SNAP91: variants seen among roughly 807,000 people sequenced by gnomAD.
SNAP91 encodes clathrin coat assembly protein AP180.
A neutral mutation model predicts 100.3 loss-of-function variants in SNAP91; 27 were observed. The ratio of observed to expected loss-of-function variants is 0.27; its 90% CI spans 0.20 to 0.37. SNAP91 has a LOEUF of 0.37. Among genes scored for constraint, SNAP91 ranks in the 10% least tolerant of loss-of-function variants. SNAP91 has a pLI of 1.00. For missense variants in SNAP91, 986 were observed against 1,123.7 expected (o/e 0.88, Z 1.75); for synonymous variants, 404 against 398.6 (o/e 1.01, Z -0.16).
chr6:83,599,674 T>C (rs1347100035), intron 16 of SNAP91, among the ~76,000 whole-genome samples: 2 of 152,146 alleles, frequency 1.3e-5, no homozygotes, highest in Non-Finnish European at 2.9e-5. Flanking sequence ...TTTAGATTTG[T>C]GGAAGGAAGA....
intron 7 of SNAP91, among the ~76,000 whole-genome samples, chr6:83,647,080 T>TG (rs2097953672): frequency 2.1e-5 from 3 of 143,756 alleles, no homozygotes; most frequent in Non-Finnish European, 4.7e-5. Context: ...TTCCAGGAGT[T>TG]TTTTTTTTTT....
intron 2 of SNAP91, among the ~76,000 whole-genome samples, chr6:83,672,305 T>C (rs2098798930): frequency 6.6e-6 from 1 of 152,116 alleles, no homozygotes; most frequent in African/African-American, 2.4e-5. Flanking sequence ...TTCTCTTCCA[T>C]GCAAGTAAGG....
rs59046391 is a variant in SNAP91, at chr6:83,687,688, G to A, written c.130+20110C>T. Among the ~76,000 whole-genome samples the A allele has an allele frequency of 3.5e-3, 537 of 152,284 alleles. 3 individuals carry two copies. Among genetic ancestry groups the A allele is most frequent in the African/African-American group, 0.012 (511 of 41,554 alleles). On this transcript the variant is annotated intron_variant, in intron 2 of 29. Transcript: ENST00000369694. The stretch of plus-strand genomic sequence containing the variant: ...CCAACTACTGTGTTAAGAGTACTTT[G>A]TTGGGAACGGGAGAAGGACAGAAGC...
At position 83,601,476 on chromosome 6, in the gene SNAP91, G is replaced by A. The variant is rs753734758; in HGVS notation, c.1157-38C>T. 4 of 1,613,052 alleles carry A rather than the reference G, an allele frequency of 2.5e-6. No homozygotes were observed. The South Asian group carries it at 4.4e-5, about 18-fold the overall frequency. ...AGAGACAGAGAGCAAACGGAGAGAA[G>A]AAAAGCAAAGGACAAAAGATATACC... On this transcript the variant is annotated intron_variant, in intron 15 of 29. Transcript: ENST00000369694.
chr6:83,574,859 C>G (rs9449664), intron 26 of SNAP91, 151 bp downstream of exon 26: 5,354 of 323,644 alleles, frequency 0.017, 307 homozygotes, highest in African/African-American at 0.1. Flanking sequence ...TGGAGGGCAG[C>G]CCCCTGGGCT....
chr6:83,655,423 G>T (rs1301233811), intron 7 of SNAP91, among the ~76,000 whole-genome samples: 2 of 152,152 alleles, frequency 1.3e-5, no homozygotes, highest in African/African-American at 4.8e-5. Context: ...AGATCTAAAG[G>T]TACTTAAAGT....
At chr6:83,602,111 A>C (rs2095289233) in intron 14 of SNAP91, among the ~76,000 whole-genome samples, 1 of 152,206 alleles carries the variant, frequency 6.6e-6, no homozygotes, top group Admixed American at 6.5e-5. Flanking sequence ...ACATGAATTT[A>C]CTATGAAGAA....
intron 6 of SNAP91, 85 bp from the exon 7 acceptor site, chr6:83,656,950 TA>T: frequency 3.3e-6 from 2 of 602,460 alleles, no homozygotes; most frequent in Non-Finnish European, 5.7e-6. Flanking sequence ...CTCAAATGAC[TA>T]CTAAGAAATT....
At chr6:83,664,976 T>C (rs117102779) in intron 3 of SNAP91, among the ~76,000 whole-genome samples, 1,863 of 152,242 alleles carry the variant, frequency 0.012, 27 homozygotes, top group Middle Eastern at 0.027. Flanking sequence ...CAGCAAAGAT[T>C]ACAACTCACT....
At chr6:83,703,995 C>T (rs1018647481) in intron 2 of SNAP91, among the ~76,000 whole-genome samples, 2 of 152,154 alleles carry the variant, frequency 1.3e-5, no homozygotes, top group Non-Finnish European at 2.9e-5. Flanking sequence ...GCAGATGTTA[C>T]TTTGGACCAA....
chr6:83,617,290 A>C (rs1354121317), intron 9 of SNAP91, among the ~76,000 whole-genome samples: 8 of 152,082 alleles, frequency 5.3e-5, no homozygotes, highest in African/African-American at 1.4e-4. Context: ...TAGAGATTAC[A>C]TTGGATAGAC....
intron 7 of SNAP91, among the ~76,000 whole-genome samples, chr6:83,647,237 C>A (rs2097966140): frequency 6.6e-6 from 1 of 152,140 alleles, no homozygotes; most frequent in African/African-American, 2.4e-5. Flanking sequence ...TGGTGAAAAG[C>A]AGTAGTGAGA....
chr6:83,577,896 T>C (rs1406108728), intron 24 of SNAP91, among the ~76,000 whole-genome samples: 1 of 152,124 alleles, frequency 6.6e-6, no homozygotes, highest in African/African-American at 2.4e-5. Flanking sequence ...CCTCAGCCCC[T>C]TGAAGCCCCA....
At chr6:83,631,594 C>A (rs567569126) in intron 8 of SNAP91, among the ~76,000 whole-genome samples, 1 of 152,022 alleles carries the variant, frequency 6.6e-6, no homozygotes, top group East Asian at 1.9e-4. Context: ...ATATAATGTC[C>A]TTTTTTTGTC....
rs370570879 is a variant in SNAP91, at chr6:83,570,560, G to C, written c.2442+4450C>G. Among the ~76,000 whole-genome samples, 1,209 of 138,842 alleles carry C rather than the reference G, an allele frequency of 8.7e-3. 18 individuals are homozygous for C. The highest frequency in any genetic ancestry group is 0.03 in the African/African-American group (1,125 of 37,226). 91.1% of individuals were successfully genotyped at this position (138,842 alleles called of 152,430 possible). A position where few individuals can be genotyped will look rare whatever the true frequency, so the allele number is the denominator to read the frequency against. On this transcript the variant is annotated intron_variant, in intron 26 of 29. Transcript: ENST00000369694. ...ACCTGGAGGTTTACGGGGTGGCGGG[G>C]GGGGAAGTGGTTTCATGGGCTGGGC...
chr6:83,572,805 T>G (rs1015470377), intron 26 of SNAP91, among the ~76,000 whole-genome samples: 2 of 152,248 alleles, frequency 1.3e-5, no homozygotes, highest in Non-Finnish European at 2.9e-5. Context: ...ATTCCTTTAC[T>G]TTGATAATGA....
At chr6:83,619,501 C>T (rs999288324) in intron 9 of SNAP91, among the ~76,000 whole-genome samples, 2 of 152,146 alleles carry the variant, frequency 1.3e-5, no homozygotes, top group African/African-American at 4.8e-5. Context: ...ATATAATGAG[C>T]AGGCTCTTTA....
intron 11 of SNAP91, 78 bp from the exon 12 acceptor site, chr6:83,610,755 A>ATATATATG (rs1429142637): frequency 8.8e-6 from 2 of 227,266 alleles, no homozygotes; most frequent in Non-Finnish European, 1.7e-5. Flanking sequence ...ATAAATATAT[A>ATATATATG]TGTGAATATA....
At chr6:83,572,554 C>T (rs1810177390) in intron 26 of SNAP91, among the ~76,000 whole-genome samples, 1 of 151,312 alleles carries the variant, frequency 6.6e-6, no homozygotes. Context: ...GCCCAGCCAA[C>T]TTTTTTTTTC....
Sources: allele counts gnomAD v4.1 joint callset (sites outside exome capture counted in the v4.1 genomes callset), GRCh38; gene constraint gnomAD v4.1.1; transcripts MANE v1.5; gene names NCBI Gene and HGNC (gene_info 2026-07-23, HGNC 2026-07-21).